ADGRB3: variants seen among roughly 807,000 people sequenced by gnomAD.
The protein encoded by ADGRB3 is adhesion G protein-coupled receptor B3.
Under a neutral mutation model 193.4 loss-of-function variants are expected in ADGRB3, and 37 were observed. The observed-to-expected ratio is 0.19, with a 90% confidence interval of 0.15 to 0.25. ADGRB3 has a LOEUF of 0.25. Among genes scored for constraint, ADGRB3 ranks in the 10% least tolerant of loss-of-function variants. ADGRB3 has a pLI of 1.00. For missense variants in ADGRB3, 1,637 were observed against 1,852.9 expected (o/e 0.88, Z 2.14); for synonymous variants, 690 against 644.2 (o/e 1.07, Z -1.08).
chr6:69,186,556 A>C (rs1561946054), intron 17 of ADGRB3, among the ~76,000 whole-genome samples: 1 of 152,276 alleles, frequency 6.6e-6, no homozygotes, highest in East Asian at 1.9e-4. Flanking sequence ...AAAGAAAAAA[A>C]AAAGAAGAAG....
chr6:69,230,611 TAAA>T (rs564761115), intron 17 of ADGRB3, among the ~76,000 whole-genome samples: 5 of 151,990 alleles, frequency 3.3e-5, no homozygotes, highest in African/African-American at 9.7e-5. Context: ...GCTAGTGAGT[TAAA>T]AAAAACTCTC....
chr6:68,800,095 C>A (rs1398133253), intron 3 of ADGRB3, among the ~76,000 whole-genome samples: 1 of 152,022 alleles, frequency 6.6e-6, no homozygotes, highest in African/African-American at 2.4e-5. Flanking sequence ...AAAACCACTG[C>A]AGCGGTTTAT....
At chr6:68,949,060 T>A (rs951546923) in intron 6 of ADGRB3, among the ~76,000 whole-genome samples, 1 of 152,100 alleles carries the variant, frequency 6.6e-6, no homozygotes. Context: ...TAGAAATACT[T>A]TGAATAGTAA....
chr6:68,925,013 GTATATT>G, intron 3 of ADGRB3, among the ~76,000 whole-genome samples: 1 of 151,840 alleles, frequency 6.6e-6, no homozygotes, highest in African/African-American at 2.4e-5. Flanking sequence ...AATGAAATTA[GTATATT>G]TATAATCAGT....
At chr6:68,724,411 A>T (rs1246026865) in intron 3 of ADGRB3, among the ~76,000 whole-genome samples, 1 of 151,708 alleles carries the variant, frequency 6.6e-6, no homozygotes, top group African/African-American at 2.4e-5. Context: ...ATATTTCAAT[A>T]GTTTATTGTC....
intron 29 of ADGRB3, among the ~76,000 whole-genome samples, chr6:69,362,169 A>C (rs1769468009): frequency 6.6e-6 from 1 of 151,926 alleles, no homozygotes; most frequent in African/African-American, 2.4e-5. Flanking sequence ...AGGTCCAACC[A>C]CATGGCCTTT....
At chr6:69,174,617 C>T (rs1349685055) in intron 17 of ADGRB3, among the ~76,000 whole-genome samples, 2 of 152,160 alleles carry the variant, frequency 1.3e-5, no homozygotes, top group African/African-American at 4.8e-5. Context: ...ATATACCCCA[C>T]AATGGGATTG....
At chr6:69,271,175 A>G (rs1268861072) in intron 20 of ADGRB3, among the ~76,000 whole-genome samples, 2 of 152,224 alleles carry the variant, frequency 1.3e-5, no homozygotes, top group Non-Finnish European at 1.5e-5. Flanking sequence ...AAGCTGAACG[A>G]TAAGGAAAGC....
Position 69,173,020 on chromosome 6 carries a change from G to GGTTTTT in ADGRB3, c.2481-60240_2481-60235dup, listed in dbSNP as rs1236809818. 3.8e-3 allele frequency among the ~76,000 whole-genome samples: 406 copies of GGTTTTT among 107,186 alleles called. 2 individuals are homozygous for GGTTTTT. Among genetic ancestry groups the GGTTTTT allele is most frequent in the East Asian group, 0.036 (180 of 4,990 alleles). The allele number at this position is 107,186 out of a possible 152,430, so 70.3% of individuals were successfully genotyped here. ...GGCCAGGAGAGTTGTGTGGGGTTTT[G>GGTTTTT]GTTTTTGTTTTTGTTTTTGTTTTTG... On this transcript the variant is annotated intron_variant, in intron 17 of 31. Coordinates refer to ENST00000370598, the MANE Select transcript of ADGRB3 (RefSeq NM_001704.3).
At chr6:69,273,301 G>A (rs545256493) in intron 20 of ADGRB3, among the ~76,000 whole-genome samples, 2 of 152,260 alleles carry the variant, frequency 1.3e-5, no homozygotes, top group East Asian at 3.9e-4. Context: ...AAATGGGAAG[G>A]CATCTAAATT....
intron 3 of ADGRB3, among the ~76,000 whole-genome samples, chr6:68,827,669 G>T (rs76607890): frequency 9.2e-5 from 14 of 151,938 alleles, no homozygotes; most frequent in African/African-American, 1.4e-4. Flanking sequence ...TTTTTTTTGG[G>T]GGGGAGGGGG....
rs150300599 is a variant in ADGRB3, at chr6:69,354,151, G to A, written c.3460-82G>A. 3,162 of 938,620 alleles carry A rather than the reference G, an allele frequency of 3.4e-3. 7 individuals are homozygous for A. The highest frequency in any genetic ancestry group is 4.6e-3 in the Non-Finnish European group (2,655 of 577,096). 58.1% of individuals were successfully genotyped at this position (938,620 alleles called of 1,614,324 possible). ...GATAGTAAAATCAGTGATAACCACT[G>A]CCTCAGAGCTGATTGCCAAGATAGA... On this transcript the variant is annotated intron_variant, in intron 26 of 31. Transcript: ENST00000370598.
At chr6:68,764,147 ACTCT>A (rs763860919) in intron 3 of ADGRB3, among the ~76,000 whole-genome samples, 1 of 152,018 alleles carries the variant, frequency 6.6e-6, no homozygotes, top group Non-Finnish European at 1.5e-5. Context: ...GTCCACAATT[ACTCT>A]CTCATGCGAT....
chr6:69,218,755 A>G (rs1433040308), intron 17 of ADGRB3, among the ~76,000 whole-genome samples: 3 of 152,168 alleles, frequency 2.0e-5, no homozygotes, highest in African/African-American at 7.2e-5. Flanking sequence ...AGTTGTAGTC[A>G]GTAGACAAAA....
intron 17 of ADGRB3, among the ~76,000 whole-genome samples, chr6:69,201,476 T>C (rs949706095): frequency 2.0e-4 from 30 of 152,108 alleles, no homozygotes; most frequent in African/African-American, 7.2e-4. Context: ...TCCCTCCTTC[T>C]AATTTTCTCT....
At chr6:68,936,874 T>C (rs1383455117) in intron 5 of ADGRB3, among the ~76,000 whole-genome samples, 194 bp downstream of exon 5, 1 of 152,254 alleles carries the variant, frequency 6.6e-6, no homozygotes, top group Non-Finnish European at 1.5e-5. Flanking sequence ...GCAAATTAGG[T>C]AAATGGCTCC....
At chr6:68,867,299 G>A (rs151134547) in intron 3 of ADGRB3, among the ~76,000 whole-genome samples, 121 of 152,350 alleles carry the variant, frequency 7.9e-4, no homozygotes, top group African/African-American at 2.5e-3. Flanking sequence ...AGCTCAGGCT[G>A]TGGCTTCAGG....
chr6:69,012,135 G>A (rs1198784063), intron 11 of ADGRB3, among the ~76,000 whole-genome samples: 1 of 152,210 alleles, frequency 6.6e-6, no homozygotes, highest in Non-Finnish European at 1.5e-5. Context: ...TGTGTATGCA[G>A]TGGCCTTCAT....
At chr6:69,292,880 C>T (rs2127293190) in intron 20 of ADGRB3, among the ~76,000 whole-genome samples, 1 of 151,732 alleles carries the variant, frequency 6.6e-6, no homozygotes, top group South Asian at 2.1e-4. Flanking sequence ...TCCCCCCACC[C>T]CACAACAGTC....
Sources: gnomAD v4.1 joint callset for allele counts (sites outside exome capture counted in the v4.1 genomes callset) on GRCh38, gnomAD v4.1.1 for gene constraint, MANE v1.5 for transcripts, NCBI Gene and HGNC (gene_info 2026-07-23, HGNC 2026-07-21) for gene names.